The following PTPN6 variants were observed in gnomAD, a reference collection of about 807,000 sequenced individuals.
PTPN6 encodes the protein protein tyrosine phosphatase non-receptor type 6.
PTPN6 carries 18 observed loss-of-function variants against 81.5 expected under a neutral mutation model. The ratio of observed to expected loss-of-function variants is 0.22; its 90% CI spans 0.15 to 0.33. The LOEUF (loss-of-function observed/expected upper bound fraction) is 0.33. PTPN6 is among the 10% of genes least tolerant of loss of function. PTPN6 has a pLI of 1.00. For synonymous variants in PTPN6, 301 were observed against 310.9 expected, an observed-to-expected ratio of 0.97 and a Z score of 0.33; for missense variants, 500 against 794.2, an observed-to-expected ratio of 0.63 and a Z score of 4.45.
chr12:6,954,548 C>T lies in PTPN6; in HGVS notation c.327-257C>T, dbSNP rs890670675. 6.6e-6 allele frequency among the ~76,000 whole-genome samples: 1 copy of T among 152,210 alleles called. No homozygotes were observed. The highest frequency in any genetic ancestry group is 6.5e-5 in the Admixed American group (1 of 15,284). ...GGCAACAGAGCTCTGGAAGCTTGCC[C>T]TAGAGTCAGTCAAGGGCCCTAGGCC... On this transcript the variant is annotated intron_variant, in intron 3 of 15. Transcript: ENST00000318974. This position sits in a 1 kb window ranked among gnomAD's most constrained non-coding sequence, Gnocchi z 5.4.
rs1480071018 is a variant in PTPN6, at chr12:6,951,907, C to T, written c.132-76C>T. 6.4e-7 allele frequency: 1 copy of T among 1,565,280 alleles called. No homozygotes were observed. Among genetic ancestry groups the T allele is most frequent in the Non-Finnish European group, 8.7e-7 (1 of 1,143,452 alleles). ...CCACCCATGCCCATGTGTGCCCCCA[C>T]CCAGGACCTCAGCCGATCCCTGCCC... On this transcript the variant is annotated intron_variant, in intron 2 of 15. Transcript: ENST00000318974. The surrounding 1 kb of genome is among the most constrained non-coding windows in gnomAD (Gnocchi z 7.2).
upstream of PTPN6, chr12:6,951,217 G>C (rs1426535809): frequency 3.5e-6 from 5 of 1,416,958 alleles, no homozygotes; most frequent in Non-Finnish European, 4.6e-6. This position sits in a 1 kb window ranked among gnomAD's most constrained non-coding sequence, Gnocchi z 7.2. Flanking sequence ...TGTGGGAAGT[G>C]GGCCCCGTCC....
Position 6,955,591 on chromosome 12 carries a change from C to T in PTPN6, c.748-69C>T. ...CTTGCCCACCTCTGCTCCTGACCCA[C>T]CCCACGTGAGCTCCCCCGATGGATG... On this transcript the variant is annotated intron_variant, in intron 6 of 15. Transcript: ENST00000318974. This position sits in a 1 kb window ranked among gnomAD's most constrained non-coding sequence, Gnocchi z 7.2. The T allele has an allele frequency of 6.4e-7, 1 of 1,572,102 alleles. No individual in the cohort carries two copies. The highest frequency in any genetic ancestry group is 8.8e-7 in the Non-Finnish European group (1 of 1,142,482).
chr12:6,960,502 T>C lies in PTPN6; in HGVS notation c.1673+67T>C, dbSNP rs1591694058. On this transcript the variant is annotated intron_variant, in intron 14 of 15. Transcript: ENST00000318974. The surrounding 1 kb of genome is among the most constrained non-coding windows in gnomAD (Gnocchi z 6.1). ...GTCCTGCCCAGCCCGATCCTCACTT[T>C]CTGGAGAGGACAAGTGTTGCAGCTG... 1.3e-6 allele frequency: 2 copies of C among 1,529,514 alleles called. No homozygotes were observed. Among genetic ancestry groups the C allele is most frequent in the East Asian group, 4.6e-5 (2 of 43,078 alleles). 94.7% of individuals were successfully genotyped at this position (1,529,514 alleles called of 1,614,324 possible).
Position 6,951,403 on chromosome 12 carries a change from GC to G in PTPN6, c.-107del, listed in dbSNP as rs1945921380. The stretch of plus-strand genomic sequence containing the variant: ...TGGGACCACCGGGGGTGGTGAGGCG[GC>G]CCGGCACTGGGAGCTGCATCTGAGG... On this transcript the variant is annotated 5_prime_UTR_variant, in exon 1 of 16. Transcript: ENST00000318974. The surrounding 1 kb of genome is among the most constrained non-coding windows in gnomAD (Gnocchi z 7.2). The G allele has an allele frequency of 6.4e-7, 1 of 1,550,706 alleles. No homozygotes were observed. The highest frequency in any genetic ancestry group is 2.0e-5 in the Admixed American group (1 of 51,168).
chr12:6,960,136 C>A lies in PTPN6; in HGVS notation c.1478C>A (p.Ala493Glu). ...DIQKTIQMVRAQRSGMVQTEA... is the reference protein window; with the variant it reads ...DIQKTIQMVREQRSGMVQTEA... ...CAGAAGACCATCCAGATGGTGCGGG[C>A]GCAGCGCTCGGGCATGGTGCAGACG... Residue 493 changes from alanine (A) to glutamate (E), a missense_variant, in exon 13 of 16, where the codon GCG (alanine) becomes GAG (glutamate). Physicochemically the swap from Ala to Glu is moderately radical, Grantham distance 107. Around this residue, in one of 6 missense-constraint regions of PTPN6, gnomAD observed 226 missense variants for 364.4 expected, o/e 0.62. Transcript: ENST00000318974. This position sits in a 1 kb window ranked among gnomAD's most constrained non-coding sequence, Gnocchi z 6.1. The A allele has an allele frequency of 6.2e-7, 1 of 1,613,746 alleles. No homozygotes were observed. The highest frequency in any genetic ancestry group is 8.5e-7 in the Non-Finnish European group (1 of 1,180,016).
rs781805644 is a variant in PTPN6, at chr12:6,960,023, G to A, written c.1429+29G>A. 72 of 1,611,772 alleles carry A rather than the reference G, an allele frequency of 4.5e-5. No individual in the cohort carries two copies. The highest frequency in any genetic ancestry group is 5.9e-5 in the Non-Finnish European group (70 of 1,179,752). On this transcript the variant is annotated intron_variant, in intron 12 of 15. Coordinates refer to ENST00000318974, the MANE Select transcript of PTPN6 (RefSeq NM_002831.6). This position sits in a 1 kb window ranked among gnomAD's most constrained non-coding sequence, Gnocchi z 6.1. Reference sequence around the variant, plus strand: ...AGGGGCACCTGGGGGTTTGGGGGTGGGGGGTGAGCAGCCCCTCGGTGTCCG... The same window carrying A: ...AGGGGCACCTGGGGGTTTGGGGGTGAGGGGTGAGCAGCCCCTCGGTGTCCG...
rs1555148504 is a variant in PTPN6 at position 6,955,543 on chromosome 12, C to T, written c.747+58C>T. The T allele has an allele frequency of 3.2e-6, 5 of 1,583,260 alleles. No individual in the cohort carries two copies. The highest frequency in any genetic ancestry group is 4.3e-6 in the Non-Finnish European group (5 of 1,153,360). On this transcript the variant is annotated intron_variant, in intron 6 of 15. Coordinates refer to ENST00000318974, the MANE Select transcript of PTPN6 (RefSeq NM_002831.6). The surrounding 1 kb of genome is among the most constrained non-coding windows in gnomAD (Gnocchi z 7.2). ...CTGAGGTGGTGGCAGCGGCCTGGGG[C>T]CCCAGGCGGACACCTTCCCCTCCTT... is the stretch of plus-strand genomic sequence containing the variant.
In PTPN6 at chr12:6,954,528, CAG is replaced by C. The variant is rs1945987226; in HGVS notation, c.327-274_327-273del. Among the ~76,000 whole-genome samples, 1 of 152,224 alleles carries C rather than the reference CAG, an allele frequency of 6.6e-6. No individual in the cohort carries two copies. The highest frequency in any genetic ancestry group is 1.5e-5 in the Non-Finnish European group (1 of 68,046). ...CGCCACTGCACTCCAGCCTGGGCAA[CAG>C]AGCTCTGGAAGCTTGCCCTAGAGTC... is the stretch of plus-strand genomic sequence containing the variant. On this transcript the variant is annotated intron_variant, in intron 3 of 15. Transcript: ENST00000318974. This position sits in a 1 kb window ranked among gnomAD's most constrained non-coding sequence, Gnocchi z 5.4.
At chr12:6,946,596 T>G (rs1388729044), upstream of PTPN6, 7 of 750,866 alleles carry the variant, frequency 9.3e-6, no homozygotes, top group African/African-American at 1.7e-5. Flanking sequence ...GCAGGCAGGA[T>G]CGAGGAGGAA....
rs1565583912 is a variant in PTPN6, at chr12:6,958,050, A to G, written c.1338A>G (p.Ala446=). 12 of 1,612,396 alleles carry G rather than the reference A, an allele frequency of 7.4e-6. No homozygotes were observed. The highest frequency in any genetic ancestry group is 2.7e-5 in the African/African-American group (2 of 74,948). ...AGCGGCAGGAAAGTCTGCCTCACGC[A>G]GGGCCCATCATCGTGCACTGCAGGT... ...INQRQESLPH[A]GPIIVHCSAG... is the part of the protein sequence containing the mutation. Residue 446 remains alanine, a synonymous_variant, in exon 11 of 16, where the codon GCA becomes GCG. Coordinates refer to ENST00000318974, the MANE Select transcript of PTPN6 (RefSeq NM_002831.6).
upstream of PTPN6, among the ~76,000 whole-genome samples, chr12:6,950,950 G>A (rs1555147607): frequency 6.6e-6 from 1 of 152,178 alleles, no homozygotes; most frequent in Admixed American, 6.5e-5. Flanking sequence ...GCATGTGAAC[G>A]CCATTATAGC....
chr12:6,957,936 G>A lies in PTPN6; in HGVS notation c.1224G>A (p.Glu408=). Reference sequence around the variant, plus strand: ...CGGCTTAGGGAGACCTGATTCGGGAGATCTGGCATTACCAGTACCTGAGCT... The same window carrying A: ...CGGCTTAGGGAGACCTGATTCGGGAAATCTGGCATTACCAGTACCTGAGCT... The part of the protein sequence containing the change: ...SPLDNGDLIR[E]IWHYQYLSWP... Residue 408 remains glutamate (E), a synonymous_variant, in exon 11 of 16, where the codon GAG becomes GAA. Transcript: ENST00000318974. The surrounding 1 kb of genome is among the most constrained non-coding windows in gnomAD (Gnocchi z 6.5). The A allele has an allele frequency of 1.9e-6, 3 of 1,614,006 alleles. No homozygotes were observed. The highest frequency in any genetic ancestry group is 2.5e-6 in the Non-Finnish European group (3 of 1,180,036).
Position 6,960,156 on chromosome 12 carries a change from C to T in PTPN6, c.1498C>T (p.Gln500Ter). ...GCGGGCGCAGCGCTCGGGCATGGTGCAGACGGAGGCGCAGTACAAGTTCAT... is the reference window on the plus strand; with the variant it reads ...GCGGGCGCAGCGCTCGGGCATGGTGTAGACGGAGGCGCAGTACAAGTTCAT... ...MVRAQRSGMVQTEAQYKFIYV... is the reference protein window; with the variant it reads ...MVRAQRSGMV The change falls in exon 13 of 16, where the codon CAG becomes TAG. Residue 500 changes from glutamine to a stop codon, truncating the protein, a stop_gained. Transcript: ENST00000318974. LOFTEE classifies it high-confidence loss of function. This position sits in a 1 kb window ranked among gnomAD's most constrained non-coding sequence, Gnocchi z 6.1. 1 of 1,613,580 alleles carries T rather than the reference C, an allele frequency of 6.2e-7. No individual in the cohort carries two copies. The highest frequency in any genetic ancestry group is 8.5e-7 in the Non-Finnish European group (1 of 1,180,004).
At chr12:6,961,077 C>T in intron 15 of PTPN6, 49 bp from the exon 16 acceptor site, 1 of 1,405,784 alleles carries the variant, frequency 7.1e-7, no homozygotes, top group South Asian at 1.3e-5. Context: ...CTTGTTCCAC[C>T]TCCAGGTTCC....
chr12:6,956,115 T>C lies in PTPN6; in HGVS notation c.845-27T>C. ...GTGAGTCCCTGGCTAACCCAGACCA[T>C]CTCGCCTCCTCTCCGCCCACTCCCA... On this transcript the variant is annotated intron_variant, in intron 7 of 15. Transcript: ENST00000318974. This position sits in a 1 kb window ranked among gnomAD's most constrained non-coding sequence, Gnocchi z 4.1. The C allele has an allele frequency of 1.9e-6, 3 of 1,612,906 alleles. No individual in the cohort carries two copies. The highest frequency in any genetic ancestry group is 2.5e-6 in the Non-Finnish European group (3 of 1,178,986).
In PTPN6 at chr12:6,955,883, C is replaced by A; in HGVS notation, c.844+127C>A. On this transcript the variant is annotated intron_variant, in intron 7 of 15. Coordinates refer to ENST00000318974, the MANE Select transcript of PTPN6 (RefSeq NM_002831.6). The surrounding 1 kb of genome is among the most constrained non-coding windows in gnomAD (Gnocchi z 7.2). ...TCCCCACACCCCCCACAGAGCCTCC[C>A]CCTTCTCCAAAAGGCCTCTACTCCT... 1.0e-6 allele frequency: 1 copy of A among 959,204 alleles called. No homozygotes were observed. Among genetic ancestry groups the A allele is most frequent in the East Asian group, 2.6e-5 (1 of 39,084 alleles). 59.4% of individuals were successfully genotyped at this position (959,204 alleles called of 1,614,324 possible).
Position 6,951,721 on chromosome 12 carries a change from C to A in PTPN6, c.121C>A (p.Leu41Ile). The change falls in exon 2 of 16, where the codon CTC becomes ATC. Residue 41 changes from leucine (L) to isoleucine (I), a missense_variant. Leu to Ile is a conservative substitution (Grantham distance 5, BLOSUM62 2). This residue lies in a region of PTPN6 where 98 missense variants were observed against 199.2 expected (regional missense o/e 0.49). Transcript: ENST00000318974. The surrounding 1 kb of genome is among the most constrained non-coding windows in gnomAD (Gnocchi z 7.2). ...TCGCAAGAACCAGGGTGACTTCTCG[C>A]TCTCCGTCAGGTAGGTGGGCCCCCC... is the stretch of plus-strand genomic sequence containing the variant. ...PSRKNQGDFSLSVRVGDQVTH... is the reference protein window; with the variant it reads ...PSRKNQGDFSISVRVGDQVTH... 1 of 1,612,788 alleles carries A rather than the reference C, an allele frequency of 6.2e-7. No homozygotes were observed. Among genetic ancestry groups the A allele is most frequent in the South Asian group, 1.1e-5 (1 of 91,078 alleles).
Position 6,952,266 on chromosome 12 carries a change from G to A in PTPN6, c.326+89G>A. 1 of 1,498,054 alleles carries A rather than the reference G, an allele frequency of 6.7e-7. No homozygotes were observed. The highest frequency in any genetic ancestry group is 9.2e-7 in the Non-Finnish European group (1 of 1,081,742). 92.8% of individuals were successfully genotyped at this position (1,498,054 alleles called of 1,614,324 possible). A position where few individuals can be genotyped will look rare whatever the true frequency, so the allele number is the denominator to read the frequency against. On this transcript the variant is annotated intron_variant, in intron 3 of 15. Transcript: ENST00000318974. The surrounding 1 kb of genome is among the most constrained non-coding windows in gnomAD (Gnocchi z 8.1). Reference sequence around the variant, plus strand: ...AGGGAGGCAGGGAGACTGGCAGCCGGCGCTGCCTACCCTCCATCCCCTCCC... The same window carrying A: ...AGGGAGGCAGGGAGACTGGCAGCCGACGCTGCCTACCCTCCATCCCCTCCC...
Sources: allele counts gnomAD v4.1 joint callset (sites outside exome capture counted in the v4.1 genomes callset), GRCh38; gene constraint gnomAD v4.1.1; regional missense constraint gnomAD v4.1.1; non-coding constraint Gnocchi (gnomAD v3.1); transcripts MANE v1.5; gene names NCBI Gene and HGNC (gene_info 2026-07-23, HGNC 2026-07-21).